DMRT1: variants seen among roughly 807,000 people sequenced by gnomAD.
DMRT1 encodes doublesex and mab-3 related transcription factor 1, also known as doublesex- and mab-3-related transcription factor 1.
DMRT1 carries 7 observed loss-of-function variants against 32.3 expected under a neutral mutation model. The ratio of observed to expected loss-of-function variants is 0.22; its 90% confidence interval spans 0.12 to 0.41. The LOEUF (loss-of-function observed/expected upper bound fraction) is 0.41. DMRT1 is among the 10% of genes least tolerant of loss of function. The pLI, the probability that DMRT1 is intolerant of heterozygous loss-of-function variation, is 1.00. For synonymous variants in DMRT1, 278 were observed against 206.1 expected (o/e 1.35, Z -2.99); for missense variants, 625 against 500.5 (o/e 1.25, Z -2.37).
chr9:849,902 C>T (rs1385846858), intron 2 of DMRT1, among the ~76,000 whole-genome samples: 1 of 152,172 alleles, frequency 6.6e-6, no homozygotes, highest in African/African-American at 2.4e-5. Flanking sequence ...TGGCTCACCG[C>T]AACCTCTGCC....
At chr9:874,983 AT>A (rs1025839221) in intron 2 of DMRT1, among the ~76,000 whole-genome samples, 44 of 150,002 alleles carry the variant, frequency 2.9e-4, no homozygotes, top group African/African-American at 1.1e-3. Context: ...AATTTTTTGT[AT>A]TTTTTTTAGT....
At chr9:921,790 A>C (rs1466190435) in intron 4 of DMRT1, among the ~76,000 whole-genome samples, 1 of 152,208 alleles carries the variant, frequency 6.6e-6, no homozygotes, top group African/African-American at 2.4e-5. Context: ...GTGAGGCAGG[A>C]AGACCACTAG....
At chr9:881,419 G>A (rs1222819137) in intron 2 of DMRT1, among the ~76,000 whole-genome samples, 5 of 152,180 alleles carry the variant, frequency 3.3e-5, no homozygotes, top group Admixed American at 2.0e-4. Flanking sequence ...TCTGGGGCCT[G>A]CAGGGACAAA....
At chr9:884,305 T>G (rs916851041) in intron 2 of DMRT1, among the ~76,000 whole-genome samples, 4 of 151,632 alleles carry the variant, frequency 2.6e-5, no homozygotes, top group Non-Finnish European at 5.9e-5. Flanking sequence ...TAAGGGTATT[T>G]ATCATGTGCA....
At chr9:916,686 A>G in intron 3 of DMRT1, 77 bp from the exon 4 acceptor site, 1 of 1,552,908 alleles carries the variant, frequency 6.4e-7, no homozygotes, top group South Asian at 1.1e-5. Context: ...ACCTTGTTTT[A>G]AAGAACTAGA....
Position 841,792 on chromosome 9 carries a change from C to T in DMRT1, c.-47C>T. The T allele has an allele frequency of 1.9e-6, 3 of 1,571,390 alleles. No homozygotes were observed. Among genetic ancestry groups the T allele is most frequent in the South Asian group, 1.2e-5 (1 of 86,184 alleles). ...CGGGTTCATCCCTCGCAGCAGTCTC[C>T]AGGCGAGAGAGGGGGCCAGAGTGCT... On this transcript the variant is annotated 5_prime_UTR_variant, in exon 1 of 5. Transcript: ENST00000382276.
At chr9:960,400 G>A (rs1819733408) in intron 4 of DMRT1, among the ~76,000 whole-genome samples, 2 of 152,182 alleles carry the variant, frequency 1.3e-5, no homozygotes, top group South Asian at 2.1e-4. Context: ...TTCCAATGGA[G>A]TACAGACACT....
intron 2 of DMRT1, among the ~76,000 whole-genome samples, chr9:885,909 C>T (rs78497159): frequency 0.025 from 3,835 of 152,194 alleles, 195 homozygotes; most frequent in East Asian, 0.14. Flanking sequence ...AAGAGTGCTG[C>T]TAGCTTTCTG....
At chr9:939,232 C>G (rs1818982426) in intron 4 of DMRT1, among the ~76,000 whole-genome samples, 2 of 152,220 alleles carry the variant, frequency 1.3e-5, no homozygotes, top group Non-Finnish European at 2.9e-5. Flanking sequence ...CCAGTGCTTA[C>G]CCTCCACTCT....
intron 3 of DMRT1, among the ~76,000 whole-genome samples, chr9:898,775 T>A (rs1330601779): frequency 2.0e-5 from 3 of 152,232 alleles, no homozygotes; most frequent in African/African-American, 7.2e-5. Context: ...TCCTCCTAAC[T>A]TAACCAGATG....
intron 2 of DMRT1, among the ~76,000 whole-genome samples, chr9:856,514 TCTTA>T (rs768406927): frequency 2.6e-5 from 4 of 152,244 alleles, no homozygotes; most frequent in East Asian, 1.9e-4. Flanking sequence ...GTCTTACTTC[TCTTA>T]CTTAGCCTGA....
chr9:913,382 G>T (rs1818056903), intron 3 of DMRT1, among the ~76,000 whole-genome samples: 1 of 150,480 alleles, frequency 6.6e-6, no homozygotes, highest in Non-Finnish European at 1.5e-5. Context: ...ACTTAAGGAA[G>T]TCTATGGAGA....
At chr9:949,332 G>A (rs1023050777) in intron 4 of DMRT1, among the ~76,000 whole-genome samples, 1 of 151,298 alleles carries the variant, frequency 6.6e-6, no homozygotes, top group African/African-American at 2.4e-5. Context: ...CAGCCCCATT[G>A]CACTGAAGCC....
At chr9:895,932 G>A (rs2129640606) in intron 3 of DMRT1, among the ~76,000 whole-genome samples, 1 of 151,386 alleles carries the variant, frequency 6.6e-6, no homozygotes, top group South Asian at 2.1e-4. Flanking sequence ...AGCCTCCCGA[G>A]TAGCTGGGAC....
chr9:893,791 T>C, intron 2 of DMRT1, 121 bp from the exon 3 acceptor site: 1 of 898,902 alleles, frequency 1.1e-6, no homozygotes, highest in Non-Finnish European at 1.8e-6. Context: ...CAACAGATGG[T>C]TTTGTCTTCT....
intron 2 of DMRT1, among the ~76,000 whole-genome samples, chr9:865,453 AATATATATG>A (rs1220026775): frequency 4.5e-4 from 68 of 152,208 alleles, no homozygotes; most frequent in Middle Eastern, 6.8e-3. Flanking sequence ...ATTTTTCATA[AATATATATG>A]ATATATATGA....
At chr9:950,530 G>C (rs746768377) in intron 4 of DMRT1, among the ~76,000 whole-genome samples, 14 of 152,104 alleles carry the variant, frequency 9.2e-5, no homozygotes, top group Non-Finnish European at 1.3e-4. Context: ...CCTCCCCAAA[G>C]GGTTTTTGTG....
Position 873,633 on chromosome 9 carries a change from A to G in DMRT1, c.539-20279A>G, listed in dbSNP as rs143641120. Among the ~76,000 whole-genome samples the G allele has an allele frequency of 2.6e-5, 4 of 152,264 alleles. No homozygotes were observed. In the East Asian group the frequency reaches 7.7e-4, roughly 29 times the overall value. On this transcript the variant is annotated intron_variant, in intron 2 of 4. Coordinates refer to ENST00000382276, the MANE Select transcript of DMRT1 (RefSeq NM_021951.3). ...CGCGCCCAGCCTCTATAGACATTTAATGTTCTTAGGTTATCGCTAGGTCTT... is the reference window on the plus strand; with the variant it reads ...CGCGCCCAGCCTCTATAGACATTTAGTGTTCTTAGGTTATCGCTAGGTCTT...
intron 2 of DMRT1, among the ~76,000 whole-genome samples, chr9:851,382 G>C (rs547385922): frequency 6.6e-6 from 1 of 151,864 alleles, no homozygotes; most frequent in Non-Finnish European, 1.5e-5. Flanking sequence ...GAGATTACAG[G>C]CGTGCGTGGC....
Sources: allele counts gnomAD v4.1 joint callset (sites outside exome capture counted in the v4.1 genomes callset), GRCh38; gene constraint gnomAD v4.1.1; transcripts MANE v1.5; gene names NCBI Gene and HGNC (gene_info 2026-07-23, HGNC 2026-07-21).